The following KCNQ5 variants were observed in gnomAD, a reference collection of about 807,000 sequenced individuals.
KCNQ5 encodes potassium voltage-gated channel subfamily Q member 5.
KCNQ5 carries 30 observed loss-of-function variants against 98.2 expected under a neutral mutation model. That is an observed-to-expected ratio of 0.31 (90% CI 0.23 to 0.41). KCNQ5 has a LOEUF of 0.41. KCNQ5 is among the 10% of genes least tolerant of loss of function. KCNQ5 has a pLI of 1.00. For missense variants in KCNQ5, 835 were observed against 1,182.5 expected (o/e 0.71, Z 4.31); for synonymous variants, 458 against 449.4 (o/e 1.02, Z -0.24).
At chr6:73,097,608 G>A (rs548651048) in intron 5 of KCNQ5, among the ~76,000 whole-genome samples, 11 of 152,202 alleles carry the variant, frequency 7.2e-5, no homozygotes, top group African/African-American at 2.4e-4. Context: ...CTCAGTGATG[G>A]TGGCCACAAG....
At chr6:72,944,577 T>TACCAA (rs1766452680) in intron 1 of KCNQ5, among the ~76,000 whole-genome samples, 1 of 152,184 alleles carries the variant, frequency 6.6e-6, no homozygotes, top group African/African-American at 2.4e-5. Context: ...TCCTGGGAAA[T>TACCAA]AGTGCTATAA....
intron 1 of KCNQ5, among the ~76,000 whole-genome samples, chr6:72,805,248 T>A (rs1282550184): frequency 6.6e-6 from 1 of 152,150 alleles, no homozygotes; most frequent in Non-Finnish European, 1.5e-5. Context: ...CCCACTCCAA[T>A]GTCCTGGAGA....
chr6:73,150,330 C>G (rs184793141), intron 10 of KCNQ5, among the ~76,000 whole-genome samples: 91 of 151,444 alleles, frequency 6.0e-4, no homozygotes, highest in Non-Finnish European at 1.1e-3. Context: ...ATTTTATTCT[C>G]GGGTATTTAG....
chr6:72,748,530 A>C (rs933205496), intron 1 of KCNQ5, among the ~76,000 whole-genome samples: 1 of 152,156 alleles, frequency 6.6e-6, no homozygotes, highest in Admixed American at 6.6e-5. Flanking sequence ...CAATTCACCC[A>C]TAATAACTGA....
intron 1 of KCNQ5, among the ~76,000 whole-genome samples, chr6:72,708,350 G>A (rs1295926997): frequency 6.6e-6 from 1 of 152,048 alleles, no homozygotes; most frequent in African/African-American, 2.4e-5. Context: ...TTGATTATAT[G>A]TATTAAGATG....
chr6:72,854,443 C>A (rs957932671), intron 1 of KCNQ5, among the ~76,000 whole-genome samples: 1 of 151,388 alleles, frequency 6.6e-6, no homozygotes, highest in Non-Finnish European at 1.5e-5. Flanking sequence ...AAAAAAATTT[C>A]TTTTTACTAT....
intron 1 of KCNQ5, among the ~76,000 whole-genome samples, chr6:72,738,016 G>C (rs1173436163): frequency 1.3e-5 from 2 of 149,628 alleles, no homozygotes; most frequent in Non-Finnish European, 3.0e-5. Flanking sequence ...TTAGCCGGGC[G>C]TGGTGGCGGG....
At chr6:72,725,222 A>G (rs1489201477) in intron 1 of KCNQ5, among the ~76,000 whole-genome samples, 2 of 152,140 alleles carry the variant, frequency 1.3e-5, no homozygotes, top group Admixed American at 1.3e-4. Flanking sequence ...TGATGACAAA[A>G]TTACATTGGG....
intron 3 of KCNQ5, among the ~76,000 whole-genome samples, chr6:73,059,918 T>C (rs1162337406): frequency 1.3e-5 from 2 of 152,164 alleles, no homozygotes; most frequent in African/African-American, 4.8e-5. Context: ...TAACTTTAAT[T>C]TTTAGAAAGT....
At chr6:72,980,754 T>C (rs1012175725) in intron 1 of KCNQ5, among the ~76,000 whole-genome samples, 3 of 152,212 alleles carry the variant, frequency 2.0e-5, no homozygotes, top group African/African-American at 7.2e-5. Context: ...CTTGTGCCAG[T>C]TTTCAAAGGA....
chr6:73,109,105 C>T (rs560691041), intron 6 of KCNQ5, among the ~76,000 whole-genome samples: 4 of 152,148 alleles, frequency 2.6e-5, no homozygotes, highest in Non-Finnish European at 5.9e-5. Context: ...TGGAAAGGAG[C>T]CATGATGAGA....
At chr6:72,724,056 G>A (rs946327395) in intron 1 of KCNQ5, among the ~76,000 whole-genome samples, 4 of 151,788 alleles carry the variant, frequency 2.6e-5, no homozygotes, top group African/African-American at 9.7e-5. Flanking sequence ...TTGTAAATCT[G>A]TTATCTCTAT....
At chr6:72,942,646 C>T (rs1766362902) in intron 1 of KCNQ5, among the ~76,000 whole-genome samples, 1 of 152,170 alleles carries the variant, frequency 6.6e-6, no homozygotes, top group Non-Finnish European at 1.5e-5. Flanking sequence ...ATATCTGAGC[C>T]TTCTGAGCAG....
chr6:72,965,990 C>G (rs1424751767), intron 1 of KCNQ5, among the ~76,000 whole-genome samples: 1 of 152,088 alleles, frequency 6.6e-6, no homozygotes, highest in Non-Finnish European at 1.5e-5. Context: ...AAGTGCCTGC[C>G]CAAGGCCGTG....
intron 7 of KCNQ5, among the ~76,000 whole-genome samples, chr6:73,116,299 G>A (rs952299460): frequency 7.9e-5 from 12 of 152,122 alleles, no homozygotes; most frequent in African/African-American, 2.9e-4. Context: ...TTATCGTTCA[G>A]GATAGGAAGT....
intron 3 of KCNQ5, among the ~76,000 whole-genome samples, chr6:73,066,501 C>G (rs1375738889): frequency 1.3e-5 from 2 of 152,098 alleles, no homozygotes; most frequent in Non-Finnish European, 2.9e-5. Context: ...AAATATTTGT[C>G]GAATGAACTA....
At chr6:72,701,723 T>C (rs752968200) in intron 1 of KCNQ5, among the ~76,000 whole-genome samples, 1 of 152,112 alleles carries the variant, frequency 6.6e-6, no homozygotes, top group African/African-American at 2.4e-5. Context: ...ATTTTTATTT[T>C]TAATTTTTTG....
chr6:72,831,464 C>A (rs1446714113), intron 1 of KCNQ5, among the ~76,000 whole-genome samples: 1 of 151,834 alleles, frequency 6.6e-6, no homozygotes, highest in Non-Finnish European at 1.5e-5. Context: ...TCATTCTCAG[C>A]AGACTATCGC....
At chr6:72,880,748 G>A (rs960128942) in intron 1 of KCNQ5, among the ~76,000 whole-genome samples, 3 of 152,060 alleles carry the variant, frequency 2.0e-5, no homozygotes, top group Admixed American at 6.5e-5. Context: ...CTTATATCCT[G>A]GCAACCTTGC....
Sources: gnomAD v4.1 joint callset for allele counts (sites outside exome capture counted in the v4.1 genomes callset) on GRCh38, gnomAD v4.1.1 for gene constraint, MANE v1.5 for transcripts, NCBI Gene and HGNC (gene_info 2026-07-23, HGNC 2026-07-21) for gene names.